Variants in PDE1A observed in about 807,000 individuals in gnomAD.
PDE1A encodes the protein phosphodiesterase 1A, also known as dual specificity calcium/calmodulin-dependent 3',5'-cyclic nucleotide phosphodiesterase 1A.
In PDE1A, 35 loss-of-function variants were observed where a neutral mutation model predicts 61.7. The ratio of observed to expected loss-of-function variants is 0.57; its 90% CI spans 0.43 to 0.75. PDE1A has a LOEUF of 0.75. Ranked by LOEUF, PDE1A falls within the 30% of genes least tolerant of loss-of-function variation. The pLI is 0.00. For synonymous variants in PDE1A, 232 were observed against 213.2 expected, an observed-to-expected ratio of 1.09 and a Z score of -0.77; for missense variants, 597 against 630.6, an observed-to-expected ratio of 0.95 and a Z score of 0.57.
chr2:182,348,375 A>G (rs1437721286), intron 1 of PDE1A, among the ~76,000 whole-genome samples: 1 of 152,144 alleles, frequency 6.6e-6, no homozygotes, highest in African/African-American at 2.4e-5. Flanking sequence ...GAATGGGGCC[A>G]TTGAACATGT....
intron 2 of PDE1A, among the ~76,000 whole-genome samples, chr2:182,457,632 A>G (rs1686012465): frequency 6.6e-6 from 1 of 152,056 alleles, no homozygotes. Flanking sequence ...GAATAGTGTG[A>G]TGACTGGCAA....
intron 13 of PDE1A, among the ~76,000 whole-genome samples, chr2:182,178,026 C>T (rs1684418520): frequency 6.6e-6 from 1 of 152,062 alleles, no homozygotes; most frequent in Admixed American, 6.6e-5. Flanking sequence ...GAAACAACTA[C>T]AAAAGCTTAT....
intron 2 of PDE1A, among the ~76,000 whole-genome samples, chr2:182,490,108 TA>T (rs1688284691): frequency 6.6e-6 from 1 of 152,148 alleles, no homozygotes; most frequent in Admixed American, 6.5e-5. Context: ...AACTTTAAGC[TA>T]AATGTTGCTA....
the PDE1A span, among the ~76,000 whole-genome samples, chr2:182,627,105 A>G: frequency 1.0e-3 from 65 of 62,242 alleles, 18 homozygotes; most frequent in Non-Finnish European, 1.5e-4. Context: ...ATGTATATAT[A>G]AAATATAAAT....
Position 182,265,256 on chromosome 2 carries a change from T to C in PDE1A, c.54-842A>G, listed in dbSNP as rs1362112785. On this transcript the variant is annotated intron_variant, in intron 1 of 13. Transcript: ENST00000351439. ...CACCTGTACCCCCCAAAAAAACTAC[T>C]AAATAAATAAAAAATTAAGAAATAA... 1.8e-4 allele frequency among the ~76,000 whole-genome samples: 28 copies of C among 151,630 alleles called. 1 individual carries two copies. The South Asian group carries it at 5.8e-3, about 32-fold the overall frequency.
At chr2:182,230,965 C>T (rs745652943) in intron 5 of PDE1A, 50 bp downstream of exon 5, 1 of 879,016 alleles carries the variant, frequency 1.1e-6, no homozygotes. Context: ...TTCATTCTTA[C>T]TCAAATAACC....
intron 1 of PDE1A, among the ~76,000 whole-genome samples, chr2:182,295,012 T>A (rs1387151611): frequency 2.0e-5 from 3 of 148,570 alleles, no homozygotes; most frequent in Non-Finnish European, 4.5e-5. Flanking sequence ...TGGTTAAGTC[T>A]CCGTTTATTG....
chr2:182,239,177 T>A (rs1302571366), intron 3 of PDE1A, among the ~76,000 whole-genome samples: 1 of 152,168 alleles, frequency 6.6e-6, no homozygotes, highest in Non-Finnish European at 1.5e-5. Context: ...AGAAAAAAAT[T>A]CAAGTTTGTA....
intron 2 of PDE1A, 150 bp downstream of exon 2, chr2:182,264,151 A>G (rs1159926670): frequency 1.8e-6 from 1 of 549,878 alleles, no homozygotes; most frequent in African/African-American, 1.9e-5. Context: ...TAGCTACATG[A>G]AGAAGAACAT....
the PDE1A span, among the ~76,000 whole-genome samples, chr2:182,536,608 A>G: frequency 6.6e-6 from 1 of 152,218 alleles, no homozygotes; most frequent in South Asian, 2.1e-4. Context: ...GGAGAAAGAA[A>G]AAGGAATGTG....
chr2:182,559,019 G>T, the PDE1A span, among the ~76,000 whole-genome samples: 12 of 152,248 alleles, frequency 7.9e-5, no homozygotes, highest in South Asian at 2.5e-3. Flanking sequence ...AAACAAAATA[G>T]TGATTTTAAA....
At chr2:182,634,217 A>G in the PDE1A span, among the ~76,000 whole-genome samples, 46 of 152,292 alleles carry the variant, frequency 3.0e-4, no homozygotes, top group African/African-American at 1.0e-3. Flanking sequence ...TAAACATTCC[A>G]TCTGAATTTA....
At chr2:182,315,487 T>C (rs1013939537) in intron 1 of PDE1A, among the ~76,000 whole-genome samples, 1 of 152,186 alleles carries the variant, frequency 6.6e-6, no homozygotes, top group Admixed American at 6.5e-5. Context: ...AATGTCTGAT[T>C]ATCCATTCAA....
intron 7 of PDE1A, among the ~76,000 whole-genome samples, chr2:182,207,799 G>A (rs1687240942): frequency 6.6e-6 from 1 of 152,218 alleles, no homozygotes. Flanking sequence ...CCAGGCCTAT[G>A]GCCTCCACTG....
At chr2:182,203,020 A>G (rs180928390) in intron 8 of PDE1A, among the ~76,000 whole-genome samples, 21 of 152,242 alleles carry the variant, frequency 1.4e-4, no homozygotes, top group African/African-American at 5.1e-4. Flanking sequence ...GCCTTTTTAA[A>G]AAAACTATAT....
At chr2:182,559,730 A>C in the PDE1A span, among the ~76,000 whole-genome samples, 2 of 152,132 alleles carry the variant, frequency 1.3e-5, no homozygotes, top group Admixed American at 1.3e-4. Flanking sequence ...ACTACCCCAA[A>C]TGCTCATCAA....
chr2:182,428,059 A>G (rs1224686886), upstream of PDE1A, among the ~76,000 whole-genome samples: 1 of 152,180 alleles, frequency 6.6e-6, no homozygotes, highest in East Asian at 1.9e-4. Flanking sequence ...GAGATAAGGA[A>G]GGAGAAGAGA....
chr2:182,550,076 C>G, the PDE1A span, among the ~76,000 whole-genome samples: 2 of 152,052 alleles, frequency 1.3e-5, no homozygotes, highest in African/African-American at 4.8e-5. Context: ...AAAGAAGTAG[C>G]AAATTTCTGA....
chr2:182,470,857 G>C (rs1197520977), intron 2 of PDE1A, among the ~76,000 whole-genome samples: 1 of 151,750 alleles, frequency 6.6e-6, no homozygotes, highest in African/African-American at 2.4e-5. Context: ...TCAATCCAGT[G>C]GGAGATGACA....
Sources: allele counts gnomAD v4.1 joint callset (sites outside exome capture counted in the v4.1 genomes callset), GRCh38; gene constraint gnomAD v4.1.1; transcripts MANE v1.5; gene names NCBI Gene and HGNC (gene_info 2026-07-23, HGNC 2026-07-21).